The following SLC35F4 variants were observed in gnomAD, a reference collection of about 807,000 sequenced individuals.
SLC35F4 encodes solute carrier family 35 member F4.
In SLC35F4, 24 loss-of-function variants were observed where a neutral mutation model predicts 44.2. The observed-to-expected ratio is 0.54, with a 90% CI of 0.39 to 0.76. SLC35F4 has a LOEUF of 0.76. SLC35F4 is among the 30% of genes least tolerant of loss of function. SLC35F4 has a pLI of 0.00. For synonymous variants in SLC35F4, 238 were observed against 223.6 expected (o/e 1.06, Z -0.57); for missense variants, 562 against 586.1 (o/e 0.96, Z 0.42).
intron 1 of SLC35F4, among the ~76,000 whole-genome samples, chr14:57,833,645 G>A (rs1448585122): frequency 6.6e-6 from 1 of 152,160 alleles, no homozygotes; most frequent in Non-Finnish European, 1.5e-5. Flanking sequence ...AGGATACACC[G>A]GAGTTACAAC....
chr14:57,955,994 G>GA lies in SLC35F4; in HGVS notation n.282+25918dup, dbSNP rs1308338508. 5.3e-5 allele frequency among the ~76,000 whole-genome samples: 8 copies of GA among 151,962 alleles called. 1 individual carries two copies. Among genetic ancestry groups the GA allele is most frequent in the Admixed American group, 2.6e-4 (4 of 15,252 alleles). The stretch of plus-strand genomic sequence containing the variant: ...GCCTGTATAGCCAAGAAAATCCTAA[G>GA]AAAAAAGAATAAAGCTGGAGGCATC... On this transcript the variant is annotated intron_variant and non_coding_transcript_variant, in intron 1 of 1. Coordinates refer to the SLC35F4 transcript ENST00000556568.
chr14:57,785,404 CT>C (rs1334360591), intron 1 of SLC35F4, among the ~76,000 whole-genome samples: 1 of 152,186 alleles, frequency 6.6e-6, no homozygotes, highest in Non-Finnish European at 1.5e-5. Context: ...ACATAAATTA[CT>C]TTTAAAAAGC....
intron 1 of SLC35F4, among the ~76,000 whole-genome samples, chr14:57,937,607 AAAGAAAAGAAAAGAAAAGAAAAGAAAAG>A (rs1889832137): frequency 1.6e-5 from 1 of 62,920 alleles, no homozygotes; most frequent in East Asian, 1.4e-3. Flanking sequence ...AAAGAAAAGA[AAAGAAAAGAAAAGAAAAGAAAAGAAAAG>A]AAAAGAAAAG....
At chr14:57,629,903 A>G in intron 1 of SLC35F4, 1 of 449,106 alleles carries the variant, frequency 2.2e-6, no homozygotes, top group South Asian at 1.7e-5. Flanking sequence ...CACCACCACC[A>G]TGTCCTGCTA....
chr14:57,716,596 T>C (rs1174687414), intron 1 of SLC35F4, among the ~76,000 whole-genome samples: 3 of 152,316 alleles, frequency 2.0e-5, no homozygotes, highest in Admixed American at 6.5e-5. Context: ...ATATCTTTTC[T>C]AAAAATTTTA....
At chr14:57,866,500 T>G (rs569273375), upstream of SLC35F4, among the ~76,000 whole-genome samples, 1 of 152,254 alleles carries the variant, frequency 6.6e-6, no homozygotes, top group Non-Finnish European at 1.5e-5. Flanking sequence ...TTTTATGAAA[T>G]GACAAGAAAA....
At chr14:57,565,048 C>T (rs1230124205) in intron 7 of SLC35F4, among the ~76,000 whole-genome samples, 1 of 152,166 alleles carries the variant, frequency 6.6e-6, no homozygotes, top group Non-Finnish European at 1.5e-5. Context: ...GAGGTCCATC[C>T]ATGTTGTAGC....
At chr14:57,762,510 A>T (rs1200309648) in intron 1 of SLC35F4, among the ~76,000 whole-genome samples, 1 of 152,190 alleles carries the variant, frequency 6.6e-6, no homozygotes, top group African/African-American at 2.4e-5. Flanking sequence ...TGTAGAAAAC[A>T]GAGTGATGCC....
chr14:57,646,035 T>C (rs1174801592), intron 1 of SLC35F4, among the ~76,000 whole-genome samples: 1 of 152,204 alleles, frequency 6.6e-6, no homozygotes, highest in Admixed American at 6.5e-5. Flanking sequence ...CAGTATTTTA[T>C]TGAGGATTTT....
intron 1 of SLC35F4, chr14:57,602,413 G>C (rs556265742): frequency 6.6e-6 from 1 of 152,088 alleles, no homozygotes; most frequent in Non-Finnish European, 1.5e-5. Context: ...AGAGAACCTA[G>C]GGGGAAGATA....
intron 1 of SLC35F4, among the ~76,000 whole-genome samples, chr14:57,830,460 C>A (rs1043539819): frequency 6.6e-6 from 1 of 152,052 alleles, no homozygotes; most frequent in African/African-American, 2.4e-5. Context: ...TAGAATATGC[C>A]CCAAATATGA....
At chr14:57,909,164 G>A (rs911065210) in intron 1 of SLC35F4, among the ~76,000 whole-genome samples, 2 of 152,030 alleles carry the variant, frequency 1.3e-5, no homozygotes, top group Non-Finnish European at 2.9e-5. Flanking sequence ...CAAATTTAGT[G>A]AAAATGACAG....
chr14:57,931,669 G>A (rs140800436), intron 1 of SLC35F4, among the ~76,000 whole-genome samples: 3 of 152,282 alleles, frequency 2.0e-5, no homozygotes, highest in Non-Finnish European at 2.9e-5. Context: ...ATGTCATCTT[G>A]CCTGGGAGAG....
chr14:57,598,523 C>G (rs899485076), intron 1 of SLC35F4, among the ~76,000 whole-genome samples: 3 of 152,136 alleles, frequency 2.0e-5, no homozygotes, highest in Non-Finnish European at 2.9e-5. Context: ...CAGATAACAA[C>G]TTGAAAAGCC....
chr14:57,957,274 C>T (rs1890254220), intron 1 of SLC35F4, among the ~76,000 whole-genome samples: 1 of 151,934 alleles, frequency 6.6e-6, no homozygotes, highest in Non-Finnish European at 1.5e-5. Context: ...GAATATCACA[C>T]ACCGGGGACT....
chr14:57,581,860 C>T (rs1478693429), intron 3 of SLC35F4, among the ~76,000 whole-genome samples: 1 of 152,204 alleles, frequency 6.6e-6, no homozygotes, highest in African/African-American at 2.4e-5. Context: ...GAAAGGGACC[C>T]TCATACATCT....
At position 57,945,631 on chromosome 14, in the gene SLC35F4, G is replaced by T. The variant is rs146809104; in HGVS notation, n.282+36282C>A. Among the ~76,000 whole-genome samples, 976 of 152,076 alleles carry T rather than the reference G, an allele frequency of 6.4e-3. 13 individuals are homozygous for T. Among genetic ancestry groups the T allele is most frequent in the African/African-American group, 0.022 (916 of 41,424 alleles). On this transcript the variant is annotated intron_variant and non_coding_transcript_variant, in intron 1 of 1. Coordinates refer to the SLC35F4 transcript ENST00000556568. ...GTAATGACTTCTTTTCCCCTGGGTA[G>T]ATACCCAGTAGTGGGATTGCTGGAT...
intron 1 of SLC35F4, among the ~76,000 whole-genome samples, chr14:57,634,490 C>T (rs2072931969): frequency 6.6e-6 from 1 of 151,966 alleles, no homozygotes; most frequent in Admixed American, 6.6e-5. Flanking sequence ...ATATGAATGA[C>T]AAGAAGGAGT....
chr14:57,797,722 A>G (rs2078087599), intron 1 of SLC35F4, among the ~76,000 whole-genome samples: 1 of 152,154 alleles, frequency 6.6e-6, no homozygotes, highest in Non-Finnish European at 1.5e-5. Flanking sequence ...CTGAGAAGAA[A>G]TTTGTAAACT....
Sources: gnomAD v4.1 joint callset for allele counts (sites outside exome capture counted in the v4.1 genomes callset) on GRCh38, gnomAD v4.1.1 for gene constraint, MANE v1.5 for transcripts, NCBI Gene and HGNC (gene_info 2026-07-23, HGNC 2026-07-21) for gene names.